MYH7: variants seen among roughly 807,000 people sequenced by gnomAD.
MYH7 encodes the protein myosin heavy chain 7.
Under a neutral mutation model 225.4 loss-of-function variants are expected in MYH7, and 129 were observed. The ratio of observed to expected loss-of-function variants is 0.57; its 90% CI spans 0.50 to 0.66. MYH7 has a LOEUF of 0.66. MYH7 is among the 30% of genes least tolerant of loss of function. The pLI is 0.00. For missense variants in MYH7, 1,649 were observed against 2,517.0 expected (o/e 0.66, Z 7.38); for synonymous variants, 971 against 1,007.6 (o/e 0.96, Z 0.69).
At position 23,416,274 on chromosome 14, in the gene MYH7, G is replaced by T. The variant is rs527948764; in HGVS notation, c.4683C>A (p.Ala1561=). 6.2e-7 allele frequency: 1 copy of T among 1,613,062 alleles called. No homozygotes were observed. Among genetic ancestry groups the T allele is most frequent in the Admixed American group, 1.7e-5 (1 of 59,982 alleles). ...LEHEEGKILR[A]QLEFNQIKAE... is the part of the protein sequence containing the mutation. ...CCTTGATCTGGTTGAACTCCAGCTGGGCCCGGAGGATCTTGCCCTCCTCGT... is the reference window on the plus strand; with the variant it reads ...CCTTGATCTGGTTGAACTCCAGCTGTGCCCGGAGGATCTTGCCCTCCTCGT... The change falls in exon 34 of 40, where the codon GCC becomes GCA. Residue 1561 remains alanine, a synonymous_variant. Coordinates refer to ENST00000355349, the MANE Select transcript of MYH7 (RefSeq NM_000257.4).
intron 31 of MYH7, 52 bp from the exon 32 acceptor site, chr14:23,417,370 C>T: frequency 6.2e-7 from 1 of 1,612,122 alleles, no homozygotes; most frequent in Non-Finnish European, 8.5e-7. Flanking sequence ...GCCCCATGTC[C>T]AGGGTCTGTC....
intron 26 of MYH7, 96 bp downstream of exon 26, chr14:23,420,862 C>T (rs1466853199): frequency 3.3e-6 from 3 of 915,886 alleles, no homozygotes; most frequent in Middle Eastern, 3.2e-4. Flanking sequence ...ATAATCAGTT[C>T]CTGTAATGCT....
At chr14:23,414,125 G>GGGGCCAGA (rs766359220) in intron 37 of MYH7, 23 bp from the exon 38 acceptor site, 2 of 1,605,226 alleles carry the variant, frequency 1.2e-6, no homozygotes, top group African/African-American at 2.7e-5. Flanking sequence ...GGGTAGGCAG[G>GGGGCCAGA]GGGTGAAGAT....
At chr14:23,427,427 G>A in intron 16 of MYH7, 120 bp from the exon 17 acceptor site, 2 of 1,467,938 alleles carry the variant, frequency 1.4e-6, no homozygotes, top group Non-Finnish European at 1.9e-6. Context: ...GGCCTTCAAT[G>A]TGGCTGCCTC....
At chr14:23,421,924 AT>A (rs1390839477) in intron 25 of MYH7, among the ~76,000 whole-genome samples, 2 of 152,238 alleles carry the variant, frequency 1.3e-5, no homozygotes, top group African/African-American at 4.8e-5. Context: ...TGTTATTTTC[AT>A]TCCCACTGAG....
At chr14:23,412,934 A>G in intron 39 of MYH7, 63 bp from the exon 40 acceptor site, 1 of 1,565,870 alleles carries the variant, frequency 6.4e-7, no homozygotes, top group Non-Finnish European at 8.8e-7. Context: ...GGGACAGGGC[A>G]TGGGAACAAA....
intron 39 of MYH7, 149 bp from the exon 40 acceptor site, chr14:23,413,020 C>T: frequency 3.7e-6 from 3 of 814,096 alleles, no homozygotes; most frequent in South Asian, 2.9e-5. Flanking sequence ...ACATGTGTTT[C>T]CAGGGATCGA....
At position 23,419,464 on chromosome 14, in the gene MYH7, G is replaced by T. The variant is rs1292880932; in HGVS notation, c.3853+19C>A. The T allele has an allele frequency of 2.5e-6, 4 of 1,613,696 alleles. No homozygotes were observed. The highest frequency in any genetic ancestry group is 2.7e-5 in the African/African-American group (2 of 75,010). On this transcript the variant is annotated intron_variant, in intron 28 of 39. Coordinates refer to ENST00000355349, the MANE Select transcript of MYH7 (RefSeq NM_000257.4). ...GGGAGACTGTGGTGGGAACCATGGAGCCCCTGCTCTAGGCTCACCATTCTC... is the reference window on the plus strand; with the variant it reads ...GGGAGACTGTGGTGGGAACCATGGATCCCCTGCTCTAGGCTCACCATTCTC...
chr14:23,425,179 A>G lies in MYH7; in HGVS notation c.2423+103T>C. ...GTGTGTTCATATGAGCCCCTCCTGC[A>G]GGTCTCTGTGTTTGAAGATCTGCTG... On this transcript the variant is annotated intron_variant, in intron 21 of 39. Transcript: ENST00000355349. The surrounding 1 kb of genome is among the most constrained non-coding windows in gnomAD (Gnocchi z 4.6). 1 of 1,604,230 alleles carries G rather than the reference A, an allele frequency of 6.2e-7. No homozygotes were observed.
In MYH7 at chr14:23,425,029, AG is replaced by A. The variant is rs748311799; in HGVS notation, c.2424-6del. ...TGGATTACCAGCAGGGAGTCTCTGCAGGGGCCCATTGAAAGGAGTGCTGAGC... is the reference window on the plus strand; with the variant it reads ...TGGATTACCAGCAGGGAGTCTCTGCAGGGCCCATTGAAAGGAGTGCTGAGC... On this transcript the variant is annotated splice_polypyrimidine_tract_variant and splice_region_variant and intron_variant, in intron 21 of 39. Transcript: ENST00000355349. This position sits in a 1 kb window ranked among gnomAD's most constrained non-coding sequence, Gnocchi z 4.6. 1.2e-6 allele frequency: 2 copies of A among 1,614,062 alleles called. No homozygotes were observed. The highest frequency in any genetic ancestry group is 2.7e-5 in the African/African-American group (2 of 74,932).
In MYH7 at chr14:23,419,307, C is replaced by A; in HGVS notation, c.3854-12G>T. 6.2e-7 allele frequency: 1 copy of A among 1,614,072 alleles called. No individual in the cohort carries two copies. Among genetic ancestry groups the A allele is most frequent in the African/African-American group, 1.3e-5 (1 of 75,026 alleles). On this transcript the variant is annotated splice_polypyrimidine_tract_variant and intron_variant, in intron 28 of 39. Transcript: ENST00000355349. ...CCGGGACAGCTCACCTGGGGAAGCA[C>A]CATTCTAGATCAGCACTCCTCTCTA...
Position 23,417,265 on chromosome 14 carries a change from G to T in MYH7, c.4407C>A (p.Ser1469=), listed in dbSNP as rs1428752523. The part of the protein sequence containing the change: ...KYEESQSELE[S]SQKEARSLST... ...TGAGGGAGCGAGCCTCCTTCTGCGA[G>T]GACTCCAGCTCCGACTGCGACTCCT... Residue 1469 remains serine (S), a synonymous_variant, in exon 32 of 40, where the codon TCC becomes TCA. Transcript: ENST00000355349. The T allele has an allele frequency of 6.2e-7, 1 of 1,614,034 alleles. No individual in the cohort carries two copies. Among genetic ancestry groups the T allele is most frequent in the Admixed American group, 1.7e-5 (1 of 60,008 alleles).
intron 16 of MYH7, 72 bp from the exon 17 acceptor site, chr14:23,427,379 C>G (rs1454086075): frequency 6.4e-7 from 1 of 1,569,480 alleles, no homozygotes; most frequent in Non-Finnish European, 8.8e-7. Flanking sequence ...ATCACAGCCC[C>G]TCTTTACATC....
chr14:23,433,771 A>C lies in MYH7; in HGVS notation c.-8-31T>G. On this transcript the variant is annotated intron_variant, in intron 2 of 39. Coordinates refer to ENST00000355349, the MANE Select transcript of MYH7 (RefSeq NM_000257.4). This position sits in a 1 kb window ranked among gnomAD's most constrained non-coding sequence, Gnocchi z 4.1. The stretch of plus-strand genomic sequence containing the variant: ...GTGAGCAGAAGCTGGCTGCCCTCCC[A>C]TCTGCCCATTCTTCCCTTCCCTCCC... The C allele has an allele frequency of 1.2e-6, 2 of 1,606,664 alleles. No homozygotes were observed. Among genetic ancestry groups the C allele is most frequent in the Non-Finnish European group, 1.7e-6 (2 of 1,175,154 alleles).
rs1892817047 is a variant in MYH7 at position 23,429,113 on chromosome 14, T to A, written c.1258-9A>T. ...CCAGTGGCATATATCACCTGCAAGG[T>A]GGAGGAGAGACCCATATTGAGCAGG... On this transcript the variant is annotated splice_polypyrimidine_tract_variant and intron_variant, in intron 13 of 39. Transcript: ENST00000355349. 2.5e-6 allele frequency: 4 copies of A among 1,614,184 alleles called. No individual in the cohort carries two copies.
chr14:23,427,455 C>G (rs767976238), intron 16 of MYH7, 130 bp downstream of exon 16: 13 of 1,467,838 alleles, frequency 8.9e-6, no homozygotes, highest in Non-Finnish European at 1.1e-5. Flanking sequence ...TCACCCAGTT[C>G]CATCCCACTG....
chr14:23,421,890 G>C (rs898477158), intron 25 of MYH7: 1 of 620,204 alleles, frequency 1.6e-6, no homozygotes, highest in African/African-American at 2.0e-5. Context: ...TCTCCAAAGA[G>C]AGATGTGTAT....
chr14:23,425,018 G>T lies in MYH7; in HGVS notation c.2430C>A (p.Ser810=). ...EYKKLLERRD[S]LLVIQWNIRA... The stretch of plus-strand genomic sequence containing the variant: ...GAATGTTCCACTGGATTACCAGCAG[G>T]GAGTCTCTGCAGGGGCCCATTGAAA... Residue 810 remains serine (S), a synonymous_variant, in exon 22 of 40, where the codon TCC becomes TCA. Coordinates refer to ENST00000355349, the MANE Select transcript of MYH7 (RefSeq NM_000257.4). The surrounding 1 kb of genome is among the most constrained non-coding windows in gnomAD (Gnocchi z 4.6). 1 of 1,614,158 alleles carries T rather than the reference G, an allele frequency of 6.2e-7. No individual in the cohort carries two copies. Among genetic ancestry groups the T allele is most frequent in the South Asian group, 1.1e-5 (1 of 91,068 alleles).
chr14:23,417,416 C>A, intron 31 of MYH7, 87 bp downstream of exon 31: 1 of 1,611,786 alleles, frequency 6.2e-7, no homozygotes, highest in Non-Finnish European at 8.5e-7. Context: ...CCTCCCCCAC[C>A]TCCAAGGAGG....
Sources: allele counts gnomAD v4.1 joint callset (sites outside exome capture counted in the v4.1 genomes callset), GRCh38; gene constraint gnomAD v4.1.1; non-coding constraint Gnocchi (gnomAD v3.1); transcripts MANE v1.5; gene names NCBI Gene and HGNC (gene_info 2026-07-23, HGNC 2026-07-21).